Variants in SPOCK1 observed in about 807,000 individuals in gnomAD.
SPOCK1 encodes the protein testican-1.
SPOCK1 carries 23 observed loss-of-function variants against 55.3 expected under a neutral mutation model. The ratio of observed to expected loss-of-function variants is 0.42; its 90% CI spans 0.30 to 0.59. SPOCK1 has a LOEUF of 0.59. SPOCK1 is among the 20% of genes least tolerant of loss of function. SPOCK1 has a pLI of 0.22. For missense variants in SPOCK1, 499 were observed against 552.5 expected, an observed-to-expected ratio of 0.90 and a Z score of 0.97; for synonymous variants, 226 against 221.0, an observed-to-expected ratio of 1.02 and a Z score of -0.20.
At chr5:137,291,926 G>A (rs981166063) in intron 2 of SPOCK1, among the ~76,000 whole-genome samples, 2 of 152,334 alleles carry the variant, frequency 1.3e-5, no homozygotes, top group Non-Finnish European at 2.9e-5. Flanking sequence ...GGATGCCAGA[G>A]AGAAAGGGTT....
At chr5:137,327,940 T>TCCTACAGAGA (rs1291215809) in intron 2 of SPOCK1, among the ~76,000 whole-genome samples, 1 of 152,154 alleles carries the variant, frequency 6.6e-6, no homozygotes, top group Non-Finnish European at 1.5e-5. Context: ...AATACACTGT[T>TCCTACAGAGA]CCTACAGAGA....
intron 3 of SPOCK1, among the ~76,000 whole-genome samples, chr5:137,160,995 A>C (rs1754542875): frequency 9.8e-6 from 1 of 101,972 alleles, no homozygotes; most frequent in Non-Finnish European, 2.0e-5. Flanking sequence ...TCAATGAATG[A>C]AGAAACTGTG....
chr5:137,272,320 G>T (rs1756979354), intron 2 of SPOCK1, among the ~76,000 whole-genome samples: 1 of 152,188 alleles, frequency 6.6e-6, no homozygotes, highest in Admixed American at 6.5e-5. Flanking sequence ...TCCCCGAAAT[G>T]ATAATAGAAG....
At chr5:137,300,502 T>G (rs1423265884) in intron 2 of SPOCK1, among the ~76,000 whole-genome samples, 1 of 152,206 alleles carries the variant, frequency 6.6e-6, no homozygotes, top group East Asian at 1.9e-4. Flanking sequence ...AAAATAATTT[T>G]TATTTTTATG....
chr5:136,997,073 GATGT>G (rs1450367705), intron 6 of SPOCK1, among the ~76,000 whole-genome samples: 4 of 152,114 alleles, frequency 2.6e-5, no homozygotes, highest in Non-Finnish European at 5.9e-5. Flanking sequence ...ACTTCTCAAT[GATGT>G]TTCCCCATTT....
intron 2 of SPOCK1, among the ~76,000 whole-genome samples, chr5:137,285,365 C>T (rs2916624): frequency 0.79 from 120,582 of 152,174 alleles, 47,895 homozygotes; most frequent in Admixed American, 0.83. Context: ...CTTTAGAGGA[C>T]CACATTATTC....
At chr5:137,089,697 A>G (rs1367123503) in intron 5 of SPOCK1, among the ~76,000 whole-genome samples, 1 of 152,230 alleles carries the variant, frequency 6.6e-6, no homozygotes, top group Non-Finnish European at 1.5e-5. Flanking sequence ...CCTCAACTCC[A>G]AAGTCCCATC....
intron 3 of SPOCK1, among the ~76,000 whole-genome samples, chr5:137,243,726 C>A (rs977440337): frequency 6.6e-6 from 1 of 152,140 alleles, no homozygotes; most frequent in South Asian, 2.1e-4. Context: ...TAAATATCTG[C>A]TAAATCCCTT....
Position 137,039,949 on chromosome 5 carries a change from T to C in SPOCK1, c.589+27766A>G, listed in dbSNP as rs1334164311. ...GCAGGCAACCCATTCATTGCTCCTATACTTTGAATAATAACAGAACCGGCT... is the reference window on the plus strand; with the variant it reads ...GCAGGCAACCCATTCATTGCTCCTACACTTTGAATAATAACAGAACCGGCT... On this transcript the variant is annotated intron_variant, in intron 6 of 10. Coordinates refer to ENST00000394945, the MANE Select transcript of SPOCK1 (RefSeq NM_004598.4). 9.2e-5 allele frequency among the ~76,000 whole-genome samples: 14 copies of C among 152,364 alleles called. No individual in the cohort carries two copies. In the East Asian group the frequency reaches 2.3e-3, roughly 25 times the overall value.
intron 5 of SPOCK1, among the ~76,000 whole-genome samples, chr5:137,084,877 C>T (rs535283701): frequency 2.0e-5 from 3 of 150,372 alleles, no homozygotes; most frequent in African/African-American, 7.3e-5. Flanking sequence ...GGGGTCCTTA[C>T]ACCCATATCC....
chr5:137,445,017 T>C (rs948950743), intron 2 of SPOCK1, among the ~76,000 whole-genome samples: 2 of 152,150 alleles, frequency 1.3e-5, no homozygotes, highest in African/African-American at 4.8e-5. Context: ...GGCAGGATGC[T>C]TCCAGACAGA....
At chr5:137,025,169 T>C (rs1299434355) in intron 6 of SPOCK1, among the ~76,000 whole-genome samples, 3 of 152,280 alleles carry the variant, frequency 2.0e-5, no homozygotes, top group Admixed American at 2.0e-4. Context: ...GAATAAGCAC[T>C]GGAGATCCAT....
chr5:137,281,297 C>A (rs73306955), intron 2 of SPOCK1, among the ~76,000 whole-genome samples: 1 of 152,160 alleles, frequency 6.6e-6, no homozygotes, highest in Non-Finnish European at 1.5e-5. Flanking sequence ...ATAAGGTCCA[C>A]GTACACCAGT....
At chr5:137,241,721 C>G (rs1329335066) in intron 3 of SPOCK1, among the ~76,000 whole-genome samples, 1 of 152,128 alleles carries the variant, frequency 6.6e-6, no homozygotes, top group Admixed American at 6.5e-5. Flanking sequence ...GATGCTAACC[C>G]CCTGATCTTG....
intron 2 of SPOCK1, among the ~76,000 whole-genome samples, chr5:137,336,554 G>A (rs925010798): frequency 6.6e-6 from 1 of 152,250 alleles, no homozygotes; most frequent in African/African-American, 2.4e-5. Context: ...GAGCAGTGCA[G>A]AGCAGAAAGC....
In SPOCK1 at chr5:136,978,465, T is replaced by C; in HGVS notation, c.*189A>G. ...CAACAAAAAAAAAACACAACACCCT[T>C]TCTCCCATACAAACATATGCAAAAT... On this transcript the variant is annotated 3_prime_UTR_variant, in exon 11 of 11. Transcript: ENST00000394945. 1 of 479,466 alleles carries C rather than the reference T, an allele frequency of 2.1e-6. No individual in the cohort carries two copies. Among genetic ancestry groups the C allele is most frequent in the Non-Finnish European group, 3.5e-6 (1 of 286,764 alleles). The allele number at this position is 479,466 out of a possible 1,614,324, so 29.7% of individuals were successfully genotyped here.
At chr5:137,420,877 A>C (rs1213584462) in intron 2 of SPOCK1, among the ~76,000 whole-genome samples, 1 of 151,926 alleles carries the variant, frequency 6.6e-6, no homozygotes, top group Non-Finnish European at 1.5e-5. Flanking sequence ...TAGTTCTTTT[A>C]ATTGTGATGT....
chr5:137,278,847 A>AATT (rs1407716281), intron 2 of SPOCK1, among the ~76,000 whole-genome samples: 1 of 152,140 alleles, frequency 6.6e-6, no homozygotes, highest in Non-Finnish European at 1.5e-5. Context: ...CCTACAAGAG[A>AATT]ATTGTCTTTA....
chr5:137,249,976 G>T (rs1399630240), intron 3 of SPOCK1, among the ~76,000 whole-genome samples: 1 of 152,164 alleles, frequency 6.6e-6, no homozygotes, highest in Non-Finnish European at 1.5e-5. Flanking sequence ...CTTGATTCCA[G>T]GTGACTGTAA....
Sources: allele counts gnomAD v4.1 joint callset (sites outside exome capture counted in the v4.1 genomes callset), GRCh38; gene constraint gnomAD v4.1.1; transcripts MANE v1.5; gene names NCBI Gene and HGNC (gene_info 2026-07-23, HGNC 2026-07-21).